The following PRAM1 variants were observed in gnomAD, a reference collection of about 807,000 sequenced individuals.
PRAM1 encodes PML-RARA-regulated adapter molecule 1.
In PRAM1, 41 loss-of-function variants were observed where a neutral mutation model predicts 55.3. That is an observed-to-expected ratio of 0.74 (90% CI 0.58 to 0.96). The LOEUF (loss-of-function observed/expected upper bound fraction) is 0.96, where lower values mean the gene tolerates loss of function less well. Among genes scored for constraint, PRAM1 ranks in the 40% least tolerant of loss-of-function variants. The probability of loss-of-function intolerance (pLI) is 0.00; values close to 1 mark genes in which losing one functional copy is unlikely to be tolerated. For missense variants in PRAM1, 898 were observed against 892.7 expected, an observed-to-expected ratio of 1.01 and a Z score of -0.08; for synonymous variants, 401 against 387.1, an observed-to-expected ratio of 1.04 and a Z score of -0.42.
In PRAM1 at chr19:8,498,879, C is replaced by G. The variant is rs757251739; in HGVS notation, c.929G>C (p.Arg310Pro). ...GGAGAGCGCTTTGAATTCGGCCGGC[C>G]GCGGCCTCTTGGGAAGCACGCTGAC... Reference protein sequence around the residue: ...PEVSVLPKRPRPAEFKALSKK... With the variant: ...PEVSVLPKRPPPAEFKALSKK... Residue 310 changes from arginine to proline, a missense_variant, in exon 2 of 10, where the codon CGG becomes CCG. This residue lies in a region of PRAM1 where 787 missense variants were observed against 735.4 expected (regional missense o/e 1.07). Transcript: ENST00000423345. 6.2e-7 allele frequency: 1 copy of G among 1,611,840 alleles called. No homozygotes were observed. Among genetic ancestry groups the G allele is most frequent in the South Asian group, 1.1e-5 (1 of 90,830 alleles).
In PRAM1 at chr19:8,498,399, C is replaced by T. The variant is rs1416092875; in HGVS notation, c.1409G>A (p.Arg470Gln). 3.8e-6 allele frequency: 6 copies of T among 1,577,386 alleles called. No individual in the cohort carries two copies. The highest frequency in any genetic ancestry group is 2.7e-5 in the African/African-American group (2 of 74,270). ...PPGPVDMQSF[R>Q]RPSAASIDLR... ...ACCTATGGATGCTGCAGAGGGTCTCCGAAAGCTCTGCATATCCACGGGCCC... is the reference window on the plus strand; with the variant it reads ...ACCTATGGATGCTGCAGAGGGTCTCTGAAAGCTCTGCATATCCACGGGCCC... Residue 470 changes from arginine (R) to glutamine (Q), a missense_variant, in exon 2 of 10, where the codon CGG becomes CAG. Physicochemically the swap from Arg to Gln is conservative, Grantham distance 43. This residue lies in a region of PRAM1 where 787 missense variants were observed against 735.4 expected (regional missense o/e 1.07). Transcript: ENST00000423345.
Position 8,490,383 on chromosome 19 carries a change from A to G in PRAM1, c.1941-11T>C. 6.2e-7 allele frequency: 1 copy of G among 1,613,908 alleles called. No individual in the cohort carries two copies. Among genetic ancestry groups the G allele is most frequent in the Non-Finnish European group, 8.5e-7 (1 of 1,179,878 alleles). Reference sequence around the variant, plus strand: ...TACACCTCCGTCTCCCTGGCAGAGCACAGTTGGGTCAGCAAGGGGCACCGT... The same window carrying G: ...TACACCTCCGTCTCCCTGGCAGAGCGCAGTTGGGTCAGCAAGGGGCACCGT... On this transcript the variant is annotated splice_polypyrimidine_tract_variant and intron_variant, in intron 8 of 9. Coordinates refer to ENST00000423345, the MANE Select transcript of PRAM1 (RefSeq NM_032152.5). The surrounding 1 kb of genome is among the most constrained non-coding windows in gnomAD (Gnocchi z 7.3).
intron 4 of PRAM1, among the ~76,000 whole-genome samples, chr19:8,496,381 T>C (rs1414783174): frequency 6.6e-6 from 1 of 151,214 alleles, no homozygotes; most frequent in Admixed American, 6.6e-5. Flanking sequence ...ACCACTACAC[T>C]CCAGCCTGGG....
chr19:8,502,372 G>A (rs1046709622), intron 1 of PRAM1, among the ~76,000 whole-genome samples, 193 bp downstream of exon 1: 36 of 152,110 alleles, frequency 2.4e-4, no homozygotes, highest in Non-Finnish European at 3.8e-4. Flanking sequence ...CCAGGAGCCC[G>A]CGCTGTCCTG....
chr19:8,490,568 G>C lies in PRAM1; in HGVS notation c.1906+26C>G, dbSNP rs113032091. The C allele has an allele frequency of 6.9e-6, 11 of 1,593,280 alleles. No homozygotes were observed. Among genetic ancestry groups the C allele is most frequent in the East Asian group, 6.9e-5 (3 of 43,716 alleles). On this transcript the variant is annotated intron_variant, in intron 7 of 9. Transcript: ENST00000423345. The surrounding 1 kb of genome is among the most constrained non-coding windows in gnomAD (Gnocchi z 7.3). ...CCCAGGGTGGCGGCGGGGACCTCCC[G>C]GGGCTGCGGGGCCGGGCGCACTCAC...
At chr19:8,492,999 A>ACTGTAAATAT (rs1263013743) in intron 4 of PRAM1, among the ~76,000 whole-genome samples, 2 of 152,114 alleles carry the variant, frequency 1.3e-5, no homozygotes, top group African/African-American at 4.8e-5. Flanking sequence ...CCTGTCTCAA[A>ACTGTAAATAT]ATAGTAAATA....
At position 8,502,571 on chromosome 19, in the gene PRAM1, T is replaced by C. The variant is rs1190293202; in HGVS notation, c.21A>G (p.Ala7=). ...GGCCTCTTCCAGCACTCACCATGGC[T>C]GCAGGCAGGTGATGGGCCATGGGAT... The part of the protein sequence containing the change: MAHHLP[A]AMESHQDFRS... Residue 7 remains alanine, a synonymous_variant, in exon 1 of 10, where the codon GCA becomes GCG. Coordinates refer to ENST00000423345, the MANE Select transcript of PRAM1 (RefSeq NM_032152.5). The C allele has an allele frequency of 1.3e-6, 2 of 1,542,082 alleles. No homozygotes were observed.
rs368799239 is a variant in PRAM1 at position 8,490,457 on chromosome 19, G to A, written c.1940+19C>T. On this transcript the variant is annotated intron_variant, in intron 8 of 9. Coordinates refer to ENST00000423345, the MANE Select transcript of PRAM1 (RefSeq NM_032152.5). The surrounding 1 kb of genome is among the most constrained non-coding windows in gnomAD (Gnocchi z 7.3). The stretch of plus-strand genomic sequence containing the variant: ...CACACACCCCGCACTCCCCCACCAC[G>A]GTCAGGGCTGGCACTCACAGGGGCA... The A allele has an allele frequency of 3.7e-4, 604 of 1,612,966 alleles. No individual in the cohort carries two copies. In the African/African-American group the frequency reaches 6.8e-3, roughly 18 times the overall value.
At chr19:8,500,914 C>T (rs1438935466) in intron 1 of PRAM1, among the ~76,000 whole-genome samples, 3 of 151,956 alleles carry the variant, frequency 2.0e-5, no homozygotes, top group Non-Finnish European at 2.9e-5. Context: ...TACAGGCACT[C>T]GCCACCACAC....
Position 8,493,406 on chromosome 19 carries a change from G to A in PRAM1, c.1577-2249C>T, listed in dbSNP as rs115466100. ...GCTCCTGCCTCTCAGAGGCTTCCCT[G>A]GCCGTGAGCAGTCACTCCACCAGGA... is the stretch of plus-strand genomic sequence containing the variant. On this transcript the variant is annotated intron_variant, in intron 4 of 9. Transcript: ENST00000423345. This position sits in a 1 kb window ranked among gnomAD's most constrained non-coding sequence, Gnocchi z 4.1. Among the ~76,000 whole-genome samples the A allele has an allele frequency of 0.011, 1,608 of 152,284 alleles. 21 individuals are homozygous for A. Among genetic ancestry groups the A allele is most frequent in the African/African-American group, 0.036 (1,514 of 41,564 alleles).
intron 1 of PRAM1, 35 bp downstream of exon 1, chr19:8,502,530 C>A: frequency 6.6e-7 from 1 of 1,511,902 alleles, no homozygotes. Flanking sequence ...CCTTGCTTCC[C>A]AGCCAGTGAG....
At chr19:8,502,462 C>G (rs1465702161) in intron 1 of PRAM1, 103 bp downstream of exon 1, 14 of 505,498 alleles carry the variant, frequency 2.8e-5, no homozygotes, top group Non-Finnish European at 4.6e-5. Flanking sequence ...CAGCCACCCC[C>G]CGCCCCCCCG....
intron 4 of PRAM1, 133 bp downstream of exon 4, chr19:8,497,631 G>T: frequency 1.5e-6 from 1 of 665,766 alleles, no homozygotes; most frequent in Non-Finnish European, 2.5e-6. Context: ...TCGCCTCTGG[G>T]CTCCCCTTAT....
In PRAM1 at chr19:8,497,842, T is replaced by C. The variant is rs995077485; in HGVS notation, c.1500-2A>G. 1 of 1,410,956 alleles carries C rather than the reference T, an allele frequency of 7.1e-7. No individual in the cohort carries two copies. 87.4% of individuals were successfully genotyped at this position (1,410,956 alleles called of 1,614,324 possible). A position where few individuals can be genotyped will look rare whatever the true frequency, so the allele number is the denominator to read the frequency against. ...AGCTCGTAGATCTCATCTGGGACCC[T>C]GCGGGGATACCTGAGATGAGGCCTC... On this transcript the variant is annotated splice_acceptor_variant, in intron 3 of 9. Coordinates refer to ENST00000423345, the MANE Select transcript of PRAM1 (RefSeq NM_032152.5). LOFTEE classifies it high-confidence loss of function.
At position 8,490,128 on chromosome 19, in the gene PRAM1, A is replaced by C. The variant is rs932210565; in HGVS notation, c.*61T>G. ...CTGTGACTTTCCCGCGCCGGGATCCAGGGCTCCTGGGTGAGCGGGCGCTGG... is the reference window on the plus strand; with the variant it reads ...CTGTGACTTTCCCGCGCCGGGATCCCGGGCTCCTGGGTGAGCGGGCGCTGG... On this transcript the variant is annotated 3_prime_UTR_variant, in exon 10 of 10. Transcript: ENST00000423345. This position sits in a 1 kb window ranked among gnomAD's most constrained non-coding sequence, Gnocchi z 7.3. 3 of 1,450,868 alleles carry C rather than the reference A, an allele frequency of 2.1e-6. No individual in the cohort carries two copies. The African/African-American group carries it at 4.3e-5, about 21-fold the overall frequency. 89.9% of individuals were successfully genotyped at this position (1,450,868 alleles called of 1,614,324 possible).
Position 8,490,239 on chromosome 19 carries a change from C to T in PRAM1, c.1976-13G>A, listed in dbSNP as rs1389255046. 1.0e-5 allele frequency: 16 copies of T among 1,607,514 alleles called. No homozygotes were observed. The highest frequency in any genetic ancestry group is 5.1e-5 in the Admixed American group (3 of 59,384). The stretch of plus-strand genomic sequence containing the variant: ...TTTTCCAGGGGATCTGCCGAGGAAG[C>T]GTGACTTCCATGGACCCCTCTCCCC... On this transcript the variant is annotated splice_polypyrimidine_tract_variant and intron_variant, in intron 9 of 9. Transcript: ENST00000423345. This position sits in a 1 kb window ranked among gnomAD's most constrained non-coding sequence, Gnocchi z 7.3.
Position 8,497,763 on chromosome 19 carries a change from C to T in PRAM1, c.1576+1G>A. 1 of 1,603,124 alleles carries T rather than the reference C, an allele frequency of 6.2e-7. No individual in the cohort carries two copies. Among genetic ancestry groups the T allele is most frequent in the Non-Finnish European group, 8.5e-7 (1 of 1,177,036 alleles). The stretch of plus-strand genomic sequence containing the variant: ...GGGACTCGGGCAGGCCACCAACAAA[C>T]CTCTGCCCTTGGGGCTGGGGCTGGA... On this transcript the variant is annotated splice_donor_variant, in intron 4 of 9. Coordinates refer to ENST00000423345, the MANE Select transcript of PRAM1 (RefSeq NM_032152.5). LOFTEE classifies it high-confidence loss of function.
rs1971755970 is a variant in PRAM1 at position 8,499,082 on chromosome 19, C to T, written c.726G>A (p.Pro242=). The change falls in exon 2 of 10, where the codon CCG becomes CCA. Residue 242 remains proline (P), a synonymous_variant. Transcript: ENST00000423345. Reference sequence around the variant, plus strand: ...GAGCGGCCTCGCTGAACTCAGGCTGCGGCACGGACTTCTTAGGGAGGCCAC... The same window carrying T: ...GAGCGGCCTCGCTGAACTCAGGCTGTGGCACGGACTTCTTAGGGAGGCCAC... ...QVGGLPKKSV[P]QPEFSEAAQT... 6.2e-7 allele frequency: 1 copy of T among 1,613,798 alleles called. No individual in the cohort carries two copies. Among genetic ancestry groups the T allele is most frequent in the Non-Finnish European group, 8.5e-7 (1 of 1,179,830 alleles).
At chr19:8,496,000 G>C in intron 4 of PRAM1, 1 of 453,120 alleles carries the variant, frequency 2.2e-6, no homozygotes, top group Non-Finnish European at 4.4e-6. Context: ...AAACTTCTAA[G>C]AAACCTTTGG....
Sources: gnomAD v4.1 joint callset for allele counts (sites outside exome capture counted in the v4.1 genomes callset) on GRCh38, gnomAD v4.1.1 for gene constraint, gnomAD v4.1.1 regional missense constraint, Gnocchi (gnomAD v3.1) non-coding constraint, MANE v1.5 for transcripts, NCBI Gene and HGNC (gene_info 2026-07-23, HGNC 2026-07-21) for gene names.